The following ACSL4 variants were observed in gnomAD, a reference collection of about 807,000 sequenced individuals.
ACSL4 encodes long-chain-fatty-acid--CoA ligase 4.
ACSL4 carries 9 observed loss-of-function variants against 49.1 expected under a neutral mutation model. The observed-to-expected ratio is 0.18, with a 90% CI of 0.11 to 0.32. The LOEUF is 0.32. ACSL4 is among the 10% of genes least tolerant of loss of function. The pLI is 1.00. For synonymous variants in ACSL4, 191 were observed against 170.3 expected (o/e 1.12, Z -0.95); for missense variants, 333 against 493.7 (o/e 0.67, Z 3.08).
intron 8 of ACSL4, among the ~76,000 whole-genome samples, chrX:109,675,001 A>G (rs1286892267): frequency 1.8e-5 from 2 of 112,466 alleles, no homozygotes; most frequent in African/African-American, 6.5e-5. Context: ...ATAAATGTGC[A>G]CAAATGGCCA....
At chrX:109,652,051 C>T (rs1307446269) in intron 15 of ACSL4, among the ~76,000 whole-genome samples, 1 of 111,357 alleles carries the variant, frequency 9.0e-6, no homozygotes, top group African/African-American at 3.3e-5. Context: ...ATGTGACTTG[C>T]AGGTGGCAGC....
Position 109,690,768 on chromosome X carries a change from G to A in ACSL4, c.-13+5376C>T, listed in dbSNP as rs1332867041. Among the ~76,000 whole-genome samples, 111 of 96,673 alleles carry A rather than the reference G, an allele frequency of 1.1e-3. 1 individual carries two copies. Among genetic ancestry groups the A allele is most frequent in the Admixed American group, 5.9e-3 (53 of 8,940 alleles). 83.9% of individuals were successfully genotyped at this position (96,673 alleles called of 115,157 possible). On this transcript the variant is annotated intron_variant, in intron 2 of 15. Coordinates refer to ENST00000672401, the MANE Select transcript of ACSL4 (RefSeq NM_001318510.2). ...ATCCTAAGACATTTTAGGGGGGGGG[G>A]GCCTCTATAGATGTCCAGTAAGTAC...
In ACSL4 at chrX:109,683,174, C is replaced by A. The variant is rs1255777764; in HGVS notation, c.190G>T (p.Glu64Ter). The change falls in exon 3 of 16, where the codon GAA (glutamate) becomes TAA (stop). Residue 64 changes from glutamate to a stop codon, truncating the protein, a stop_gained. Coordinates refer to ENST00000672401, the MANE Select transcript of ACSL4 (RefSeq NM_001318510.2). LOFTEE classifies it high-confidence loss of function. ...SLGTREILSE[E>*]NEMQPNGKVF... Reference sequence around the variant, plus strand: ...TTTCCATTTGGCTGCATTTCATTTTCTTCACTTAGGATTTCCCTGGTCCCA... The same window carrying A: ...TTTCCATTTGGCTGCATTTCATTTTATTCACTTAGGATTTCCCTGGTCCCA... The A allele has an allele frequency of 8.3e-7, 1 of 1,211,561 alleles. No individual in the cohort carries two copies. The highest frequency in any genetic ancestry group is 1.7e-5 in the African/African-American group (1 of 57,880).
rs754611721 is a variant in ACSL4 at position 109,725,027 on chromosome X, G to T, written c.-66+8112C>A. On this transcript the variant is annotated intron_variant, in intron 1 of 15. Coordinates refer to ENST00000672401, the MANE Select transcript of ACSL4 (RefSeq NM_001318510.2). The stretch of plus-strand genomic sequence containing the variant: ...CTGCCTTGGCCTTCCAAAGTGCTGG[G>T]ATTACAGGCATGACGCACTGTACCT... Among the ~76,000 whole-genome samples the T allele has an allele frequency of 1.5e-4, 17 of 110,262 alleles. 3 individuals carry two copies. The South Asian group carries it at 1.6e-3, about 10-fold the overall frequency.
Position 109,681,356 on chromosome X carries a change from T to C in ACSL4, c.426A>G (p.Thr142=), listed in dbSNP as rs1342753414. ...YNFPLVTLYA[T]LGKEAVVHGL... The stretch of plus-strand genomic sequence containing the variant: ...CATGAACTACTGCTTCTTTGCCAAG[T>C]GTGGCATATAAAGTCACAACTACAT... Residue 142 remains threonine (T), a synonymous_variant, in exon 5 of 16, where the codon ACA becomes ACG. Coordinates refer to ENST00000672401, the MANE Select transcript of ACSL4 (RefSeq NM_001318510.2). The C allele has an allele frequency of 8.3e-7, 1 of 1,203,927 alleles. No homozygotes were observed. The highest frequency in any genetic ancestry group is 1.1e-6 in the Non-Finnish European group (1 of 889,018).
chrX:109,699,150 T>C (rs984193698), intron 1 of ACSL4, among the ~76,000 whole-genome samples: 18 of 112,179 alleles, frequency 1.6e-4, no homozygotes, highest in African/African-American at 5.8e-4. Context: ...GCAGATGACC[T>C]GAGTTCAAGA....
At chrX:109,647,412 C>T (rs912011406) in intron 15 of ACSL4, among the ~76,000 whole-genome samples, 10 of 111,872 alleles carry the variant, frequency 8.9e-5, no homozygotes, top group African/African-American at 2.9e-4. Context: ...ACAACCTGCT[C>T]CTGGATGACT....
chrX:109,730,204 G>A (rs1015215172), intron 1 of ACSL4, among the ~76,000 whole-genome samples: 2 of 112,001 alleles, frequency 1.8e-5, no homozygotes, highest in Non-Finnish European at 3.8e-5. Context: ...ATTATTGGGG[G>A]AAATTAGATA....
At chrX:109,648,147 T>A (rs1244499445) in intron 15 of ACSL4, among the ~76,000 whole-genome samples, 51 of 107,919 alleles carry the variant, frequency 4.7e-4, no homozygotes, top group African/African-American at 1.6e-3. Flanking sequence ...CAATAGAAAA[T>A]GAGGGAATCC....
At chrX:109,720,173 T>C (rs1415617790) in intron 1 of ACSL4, among the ~76,000 whole-genome samples, 1 of 105,548 alleles carries the variant, frequency 9.5e-6, no homozygotes, top group Non-Finnish European at 2.0e-5. Flanking sequence ...CTACTAAAAA[T>C]ACAAAAATTA....
chrX:109,683,702 G>A, intron 2 of ACSL4: 2 of 346,581 alleles, frequency 5.8e-6, no homozygotes, highest in Non-Finnish European at 1.0e-5. Flanking sequence ...CAGAGAGCAG[G>A]AAAAATAAAA....
Position 109,683,259 on chromosome X carries a change from T to A in ACSL4, c.105A>T (p.Ala35=). ...GGTCAAATAATTTATCCAGAGTATC[T>A]GCTCCAGGGATGTCTATTACAGCTA... The part of the protein sequence containing the change: ...DSLAVIDIPG[A]DTLDKLFDHA... The change falls in exon 3 of 16, where the codon GCA becomes GCT. Residue 35 remains alanine (A), a synonymous_variant. Transcript: ENST00000672401. The A allele has an allele frequency of 8.3e-7, 1 of 1,212,060 alleles. No individual in the cohort carries two copies. The highest frequency in any genetic ancestry group is 1.8e-5 in the South Asian group (1 of 57,019).
intron 1 of ACSL4, among the ~76,000 whole-genome samples, chrX:109,709,443 A>G (rs1926592776): frequency 8.9e-6 from 1 of 112,707 alleles, no homozygotes. Context: ...AGCTGACTTC[A>G]AAAAGTAGGA....
chrX:109,729,759 A>C (rs1386868751), intron 1 of ACSL4, among the ~76,000 whole-genome samples: 5 of 112,537 alleles, frequency 4.4e-5, no homozygotes, highest in African/African-American at 1.3e-4. Context: ...ATATTATGGA[A>C]TACTACTCAG....
chrX:109,699,929 A>G lies in ACSL4; in HGVS notation c.-65-3733T>C, dbSNP rs191054359. On this transcript the variant is annotated intron_variant, in intron 1 of 15. Coordinates refer to ENST00000672401, the MANE Select transcript of ACSL4 (RefSeq NM_001318510.2). The stretch of plus-strand genomic sequence containing the variant: ...GGGAGAATCTTTTCCCCTTAAGAAT[A>G]TATGTGAGCCAGACGCAGTGGCTCA... Among the ~76,000 whole-genome samples, 120 of 111,270 alleles carry G rather than the reference A, an allele frequency of 1.1e-3. 1 individual carries two copies. The highest frequency in any genetic ancestry group is 3.9e-3 in the African/African-American group (118 of 30,638).
rs974081902 is a variant in ACSL4 at position 109,674,481 on chromosome X, A to G, written c.931-8T>C. On this transcript the variant is annotated splice_polypyrimidine_tract_variant and splice_region_variant and intron_variant, in intron 8 of 15. Coordinates refer to ENST00000672401, the MANE Select transcript of ACSL4 (RefSeq NM_001318510.2). Reference sequence around the variant, plus strand: ...TTTTTTAATTTTGCTGGACTATATTAAAGAAAAAATAAATATGATCAGGAA... The same window carrying G: ...TTTTTTAATTTTGCTGGACTATATTGAAGAAAAAATAAATATGATCAGGAA... The G allele has an allele frequency of 2.2e-5, 25 of 1,162,158 alleles. No homozygotes were observed. The highest frequency in any genetic ancestry group is 2.7e-5 in the Non-Finnish European group (23 of 851,528).
At position 109,644,134 on chromosome X, in the gene ACSL4, T is replaced by C. The variant is rs764780876; in HGVS notation, c.1908A>G (p.Pro636=). 3 of 1,210,823 alleles carry C rather than the reference T, an allele frequency of 2.5e-6. No individual in the cohort carries two copies. The highest frequency in any genetic ancestry group is 3.4e-6 in the Non-Finnish European group (3 of 894,772). Residue 636 remains proline, a synonymous_variant, in exon 16 of 16, where the codon CCA becomes CCG. Transcript: ENST00000672401. ...IPIKVRLSPE[P]WTPETGLVTD... ...TTACCAAACCAGTTTCAGGGGTCCA[T>C]GGCTCTGGGCTTAATCGAACCTTGA...
Position 109,646,376 on chromosome X carries a change from TAAAG to T in ACSL4, c.1856-2194_1856-2191del, listed in dbSNP as rs746015632. Among the ~76,000 whole-genome samples, 44 of 111,352 alleles carry T rather than the reference TAAAG, an allele frequency of 4.0e-4. No homozygotes were observed. In the East Asian group the frequency reaches 0.011, roughly 27 times the overall value. ...AGTGGGGGCCAATATACAACATTCTTAAAGAAAAGAATTTTCAACCCAGAATTTC... is the reference window on the plus strand; with the variant it reads ...AGTGGGGGCCAATATACAACATTCTTAAAAGAATTTTCAACCCAGAATTTC... On this transcript the variant is annotated intron_variant, in intron 15 of 15. Coordinates refer to ENST00000672401, the MANE Select transcript of ACSL4 (RefSeq NM_001318510.2).
intron 1 of ACSL4, among the ~76,000 whole-genome samples, chrX:109,708,184 G>A (rs1459935358): frequency 1.8e-5 from 2 of 112,131 alleles, no homozygotes; most frequent in African/African-American, 3.2e-5. Context: ...GGGCTCAAGC[G>A]ATCCATCTGC....
Sources: gnomAD v4.1 joint callset for allele counts (sites outside exome capture counted in the v4.1 genomes callset) on GRCh38, gnomAD v4.1.1 for gene constraint, MANE v1.5 for transcripts, NCBI Gene and HGNC (gene_info 2026-07-23, HGNC 2026-07-21) for gene names.